Variants in GFI1 observed in about 807,000 individuals in gnomAD.
The protein encoded by GFI1 is zinc finger protein Gfi-1.
Under a neutral mutation model 39.2 loss-of-function variants are expected in GFI1, and 15 were observed. That is an observed-to-expected ratio of 0.38 (90% CI 0.26 to 0.59). The LOEUF is 0.59. Ranked by LOEUF, GFI1 falls within the 20% of genes least tolerant of loss-of-function variation. GFI1 has a pLI of 0.62. For missense variants in GFI1, 475 were observed against 574.0 expected, an observed-to-expected ratio of 0.83 and a Z score of 1.76; for synonymous variants, 239 against 254.3, an observed-to-expected ratio of 0.94 and a Z score of 0.57.
intron 5 of GFI1, among the ~76,000 whole-genome samples, chr1:92,479,950 T>C (rs11164601): frequency 0.74 from 112,140 of 152,130 alleles, 42,459 homozygotes; most frequent in East Asian, 0.95. Context: ...CTGAGATTCC[T>C]GCCTTTTCAG....
chr1:92,485,689 A>C (rs1658496825), intron 1 of GFI1, among the ~76,000 whole-genome samples: 1 of 151,812 alleles, frequency 6.6e-6, no homozygotes, highest in Non-Finnish European at 1.5e-5. Flanking sequence ...CCCAGGAAGG[A>C]GGGAGCCGAG....
Position 92,480,225 on chromosome 1 carries a change from T to TG in GFI1, c.924+122dup. ...GGGCAAGGGGACGCAGCGGAGGGCT[T>TG]GGGGGAGGAAACTGGGGGAAGTCGA... On this transcript the variant is annotated intron_variant, in intron 5 of 6. Transcript: ENST00000294702. This position sits in a 1 kb window ranked among gnomAD's most constrained non-coding sequence, Gnocchi z 5.6. 9.2e-7 allele frequency: 1 copy of TG among 1,081,532 alleles called. No individual in the cohort carries two copies. Among genetic ancestry groups the TG allele is most frequent in the Non-Finnish European group, 1.4e-6 (1 of 739,478 alleles). The allele number at this position is 1,081,532 out of a possible 1,614,324, so 67.0% of individuals were successfully genotyped here. A position where few individuals can be genotyped will look rare whatever the true frequency, so the allele number is the denominator to read the frequency against.
Position 92,473,705 on chromosome 1 carries a change from C to T in GFI1, c.*2324G>A, listed in dbSNP as rs889281058. ...AGTCGTGTGGATTCTATTTGTTTCC[C>T]AGGCTGTCAAGCAATCTCTCTTCCC... is the stretch of plus-strand genomic sequence containing the variant. On this transcript the variant is annotated 3_prime_UTR_variant, in exon 7 of 7. Transcript: ENST00000294702. Among the ~76,000 whole-genome samples, 1 of 152,150 alleles carries T rather than the reference C, an allele frequency of 6.6e-6. No homozygotes were observed. Among genetic ancestry groups the T allele is most frequent in the Non-Finnish European group, 1.5e-5 (1 of 68,030 alleles).
Position 92,473,928 on chromosome 1 carries a change from G to T in GFI1, c.*2101C>A, listed in dbSNP as rs546000580. Among the ~76,000 whole-genome samples, 1 of 152,316 alleles carries T rather than the reference G, an allele frequency of 6.6e-6. No homozygotes were observed. The highest frequency in any genetic ancestry group is 1.9e-4 in the East Asian group (1 of 5,184). ...ACTGCTATATCTCCACCCCCTAGAA[G>T]AATGCCCAGCACATACTGGGTGCTC... is the stretch of plus-strand genomic sequence containing the variant. On this transcript the variant is annotated 3_prime_UTR_variant, in exon 7 of 7. Coordinates refer to ENST00000294702, the MANE Select transcript of GFI1 (RefSeq NM_005263.5).
At position 92,480,784 on chromosome 1, in the gene GFI1, G is replaced by A. The variant is rs1230474672; in HGVS notation, c.603C>T (p.Gly201=). The A allele has an allele frequency of 6.9e-6, 11 of 1,598,282 alleles. No individual in the cohort carries two copies. Among genetic ancestry groups the A allele is most frequent in the Non-Finnish European group, 9.3e-6 (11 of 1,176,522 alleles). ...ATAGPGLGLY[G]DFGSAAAGLY... Reference sequence around the variant, plus strand: ...GCCCGGCTGCCGCAGACCCGAAGTCGCCGTAGAGCCCTAGGCCAGGGCCAG... The same window carrying A: ...GCCCGGCTGCCGCAGACCCGAAGTCACCGTAGAGCCCTAGGCCAGGGCCAG... Residue 201 remains glycine, a synonymous_variant, in exon 4 of 7, where the codon GGC becomes GGT. Transcript: ENST00000294702. The surrounding 1 kb of genome is among the most constrained non-coding windows in gnomAD (Gnocchi z 5.6).
Position 92,480,392 on chromosome 1 carries a change from C to G in GFI1, c.880G>C (p.Gly294Arg). 2 of 1,550,342 alleles carry G rather than the reference C, an allele frequency of 1.3e-6. No individual in the cohort carries two copies. The highest frequency in any genetic ancestry group is 1.7e-6 in the Non-Finnish European group (2 of 1,146,676). The change falls in exon 5 of 7, where the codon GGG becomes CGG. Residue 294 changes from glycine (G) to arginine (R), a missense_variant. Gly to Arg is a moderately radical substitution (Grantham distance 125). Transcript: ENST00000294702. This position sits in a 1 kb window ranked among gnomAD's most constrained non-coding sequence, Gnocchi z 5.6. ...TGCTGCTCCAGGCTCACCGCGTGCC[C>G]GAAGGTCTTGCCGCACATCTCGCAG... The part of the protein sequence containing the change: ...FACEMCGKTF[G>R]HAVSLEQHKA...
intron 1 of GFI1, among the ~76,000 whole-genome samples, chr1:92,485,596 G>A (rs1457752396): frequency 6.6e-6 from 1 of 152,172 alleles, no homozygotes; most frequent in Non-Finnish European, 1.5e-5. Context: ...GGCCGAGCGC[G>A]TGGGAAGGCA....
rs1423365386 is a variant in GFI1 at position 92,483,533 on chromosome 1, C to G, written c.-46G>C. 1 of 1,117,350 alleles carries G rather than the reference C, an allele frequency of 8.9e-7. No individual in the cohort carries two copies. The highest frequency in any genetic ancestry group is 2.5e-5 in the East Asian group (1 of 40,108). 69.2% of individuals were successfully genotyped at this position (1,117,350 alleles called of 1,614,324 possible). A position where few individuals can be genotyped will look rare whatever the true frequency, so the allele number is the denominator to read the frequency against. ...ACTGCGCCCCAAGAGTCCCTGGAGC[C>G]GCTGTCACCCACGGTCACTCCGAGG... On this transcript the variant is annotated 5_prime_UTR_variant, in exon 2 of 7. Coordinates refer to ENST00000294702, the MANE Select transcript of GFI1 (RefSeq NM_005263.5).
rs766426556 is a variant in GFI1 at position 92,480,272 on chromosome 1, A to G, written c.924+76T>C. The G allele has an allele frequency of 8.2e-6, 12 of 1,464,410 alleles. No homozygotes were observed. The highest frequency in any genetic ancestry group is 1.1e-5 in the Non-Finnish European group (12 of 1,081,780). The allele number at this position is 1,464,410 out of a possible 1,614,324, so 90.7% of individuals were successfully genotyped here. A position where few individuals can be genotyped will look rare whatever the true frequency, so the allele number is the denominator to read the frequency against. The stretch of plus-strand genomic sequence containing the variant: ...TCGAGGAGAAAACTTCCAGGCAGAG[A>G]GTGGCTGGTGCTGCACCGAGGAGAT... On this transcript the variant is annotated intron_variant, in intron 5 of 6. Coordinates refer to ENST00000294702, the MANE Select transcript of GFI1 (RefSeq NM_005263.5). The surrounding 1 kb of genome is among the most constrained non-coding windows in gnomAD (Gnocchi z 5.6).
rs1164690254 is a variant in GFI1 at position 92,474,335 on chromosome 1, T to C, written c.*1694A>G. On this transcript the variant is annotated 3_prime_UTR_variant, in exon 7 of 7. Coordinates refer to ENST00000294702, the MANE Select transcript of GFI1 (RefSeq NM_005263.5). Reference sequence around the variant, plus strand: ...AACCAGTATCGGGGAAGTCAAAAGATTTACACAAGTCACATGATGTGTTGG... The same window carrying C: ...AACCAGTATCGGGGAAGTCAAAAGACTTACACAAGTCACATGATGTGTTGG... Among the ~76,000 whole-genome samples the C allele has an allele frequency of 6.6e-6, 1 of 152,174 alleles. No individual in the cohort carries two copies. Among genetic ancestry groups the C allele is most frequent in the Non-Finnish European group, 1.5e-5 (1 of 68,032 alleles).
At position 92,482,729 on chromosome 1, in the gene GFI1, C is replaced by G; in HGVS notation, c.298+135G>C. The G allele has an allele frequency of 1.3e-6, 1 of 744,728 alleles. No homozygotes were observed. Among genetic ancestry groups the G allele is most frequent in the Admixed American group, 2.0e-5 (1 of 48,948 alleles). 46.1% of individuals were successfully genotyped at this position (744,728 alleles called of 1,614,324 possible). A position where few individuals can be genotyped will look rare whatever the true frequency, so the allele number is the denominator to read the frequency against. On this transcript the variant is annotated intron_variant, in intron 3 of 6. Transcript: ENST00000294702. This position sits in a 1 kb window ranked among gnomAD's most constrained non-coding sequence, Gnocchi z 4.4. Reference sequence around the variant, plus strand: ...AGAAGCCGGATGCCTCCTTCCCCTACGAATCAGCTCCCTTCTCCCGGAAAG... The same window carrying G: ...AGAAGCCGGATGCCTCCTTCCCCTAGGAATCAGCTCCCTTCTCCCGGAAAG...
chr1:92,485,374 G>C (rs1658478647), intron 1 of GFI1, among the ~76,000 whole-genome samples: 1 of 152,212 alleles, frequency 6.6e-6, no homozygotes, highest in South Asian at 2.1e-4. Flanking sequence ...GCTGCAGCTT[G>C]GACCCACGTT....
chr1:92,484,116 A>C lies in GFI1; in HGVS notation c.-99-530T>G, dbSNP rs1658421433. ...CAACTGGAGTGAAAGGACCGGGGGGAGGGGGGAACAGAACACAAGATAAAA... is the reference window on the plus strand; with the variant it reads ...CAACTGGAGTGAAAGGACCGGGGGGCGGGGGGAACAGAACACAAGATAAAA... On this transcript the variant is annotated intron_variant, in intron 1 of 6. Transcript: ENST00000294702. This position sits in a 1 kb window ranked among gnomAD's most constrained non-coding sequence, Gnocchi z 4.1. Among the ~76,000 whole-genome samples the C allele has an allele frequency of 6.7e-6, 1 of 150,222 alleles. No individual in the cohort carries two copies. The highest frequency in any genetic ancestry group is 2.0e-4 in the East Asian group (1 of 5,066).
chr1:92,480,811 G>C lies in GFI1; in HGVS notation c.576C>G (p.Thr192=), dbSNP rs181638652. ...PGSCSAGAGA[T]AGPGLGLYGD... ...CGTAGAGCCCTAGGCCAGGGCCAGC[G>C]GTGGCACCGGCCCCTGCGCTGCAGC... The change falls in exon 4 of 7, where the codon ACC becomes ACG. Residue 192 remains threonine (T), a synonymous_variant. Transcript: ENST00000294702. The surrounding 1 kb of genome is among the most constrained non-coding windows in gnomAD (Gnocchi z 5.6). 3.5e-5 allele frequency: 56 copies of C among 1,579,072 alleles called. No homozygotes were observed. The highest frequency in any genetic ancestry group is 4.6e-5 in the East Asian group (2 of 43,376).
chr1:92,482,158 T>C lies in GFI1; in HGVS notation c.298+706A>G, dbSNP rs182233208. 2.8e-4 allele frequency among the ~76,000 whole-genome samples: 42 copies of C among 152,096 alleles called. No individual in the cohort carries two copies. The highest frequency in any genetic ancestry group is 1.0e-3 in the African/African-American group (42 of 41,510). ...TCACTGATTGTGGGACGGGTGGTGG[T>C]ATCTTCTAAAACTAGCAAACATATT... On this transcript the variant is annotated intron_variant, in intron 3 of 6. Transcript: ENST00000294702. This position sits in a 1 kb window ranked among gnomAD's most constrained non-coding sequence, Gnocchi z 4.4.
At chr1:92,486,061 A>G (rs568727426) in intron 1 of GFI1, 1 of 152,122 alleles carries the variant, frequency 6.6e-6, no homozygotes, top group African/African-American at 2.4e-5. Context: ...TTTCAAACGG[A>G]ATCTTGCTTT....
In GFI1 at chr1:92,486,531, C is replaced by G. The variant is rs1260269274; in HGVS notation, c.-100+195G>C. 3.3e-4 allele frequency among the ~76,000 whole-genome samples: 49 copies of G among 147,270 alleles called. 2 individuals are homozygous for G. The highest frequency in any genetic ancestry group is 3.5e-3 in the Middle Eastern group (1 of 286). On this transcript the variant is annotated intron_variant, in intron 1 of 6. Coordinates refer to ENST00000294702, the MANE Select transcript of GFI1 (RefSeq NM_005263.5). ...TCAGGCCTCGGTCACCCGCCCCCCC[C>G]ACCCCCGACCCCGCCGCCTCCTAGG...
chr1:92,478,774 A>AGAGAGAGAGG (rs1480226635), intron 5 of GFI1, 21 bp from the exon 6 acceptor site: 1 of 1,608,986 alleles, frequency 6.2e-7, no homozygotes, highest in Non-Finnish European at 8.5e-7. Flanking sequence ...AGAGAGAGAG[A>AGAGAGAGAGG]GAGAGAGAGA....
rs1658190302 is a variant in GFI1, at chr1:92,480,693, C to T, written c.694G>A (p.Asp232Asn). 6.3e-7 allele frequency: 1 copy of T among 1,596,222 alleles called. No individual in the cohort carries two copies. Among genetic ancestry groups the T allele is most frequent in the Non-Finnish European group, 8.5e-7 (1 of 1,177,918 alleles). The change falls in exon 4 of 7, where the codon GAC becomes AAC. Residue 232 changes from aspartate to asparagine, a missense_variant. Asp to Asn is a conservative substitution (Grantham distance 23, BLOSUM62 1). Around this residue, in one of 4 missense-constraint regions of GFI1, gnomAD observed 79 missense variants for 68.4 expected, o/e 1.15. Transcript: ENST00000294702. The surrounding 1 kb of genome is among the most constrained non-coding windows in gnomAD (Gnocchi z 5.6). Reference protein sequence around the residue: ...YPERGHGLHADKGAGVKVESE... With the variant: ...YPERGHGLHANKGAGVKVESE... ...TCCACCTTGACGCCAGCGCCCTTGT[C>T]TGCGTGCAGCCCGTGGCCACGCTCG...
Sources: gnomAD v4.1 joint callset for allele counts (sites outside exome capture counted in the v4.1 genomes callset) on GRCh38, gnomAD v4.1.1 for gene constraint, gnomAD v4.1.1 regional missense constraint, Gnocchi (gnomAD v3.1) non-coding constraint, MANE v1.5 for transcripts, NCBI Gene and HGNC (gene_info 2026-07-23, HGNC 2026-07-21) for gene names.